The following GREB1 variants were observed in gnomAD, a reference collection of about 807,000 sequenced individuals.
GREB1 encodes protein GREB1.
Under a neutral mutation model 200.7 loss-of-function variants are expected in GREB1, and 106 were observed. The ratio of observed to expected loss-of-function variants is 0.53; its 90% CI spans 0.45 to 0.62. GREB1 has a LOEUF of 0.62. Ranked by LOEUF, GREB1 falls within the 20% of genes least tolerant of loss-of-function variation. The probability of loss-of-function intolerance (pLI) is 0.00; values close to 1 mark genes in which losing one functional copy is unlikely to be tolerated. For synonymous variants in GREB1, 1,132 were observed against 1,092.4 expected (o/e 1.04, Z -0.72); for missense variants, 2,243 against 2,556.8 (o/e 0.88, Z 2.65).
At chr2:11,499,923 TATAGAATTGTTG>T (rs1672983499) in intron 1 of GREB1, among the ~76,000 whole-genome samples, 1 of 152,240 alleles carries the variant, frequency 6.6e-6, no homozygotes, top group Non-Finnish European at 1.5e-5. Flanking sequence ...TTCTTTATAT[TATAGAATTGTTG>T]CTTTAAAAAA....
At chr2:11,527,951 C>G (rs1240442234) in intron 1 of GREB1, among the ~76,000 whole-genome samples, 2 of 152,204 alleles carry the variant, frequency 1.3e-5, no homozygotes, top group Non-Finnish European at 2.9e-5. Context: ...AATTTCCTTT[C>G]CCTTTAACTT....
Position 11,598,866 on chromosome 2 carries a change from A to T in GREB1, c.2333+6A>T, listed in dbSNP as rs746920678. The T allele has an allele frequency of 1.9e-6, 3 of 1,610,258 alleles. No homozygotes were observed. Among genetic ancestry groups the T allele is most frequent in the Non-Finnish European group, 2.5e-6 (3 of 1,176,622 alleles). On this transcript the variant is annotated splice_donor_region_variant and intron_variant, in intron 15 of 32. Coordinates refer to ENST00000381486, the MANE Select transcript of GREB1 (RefSeq NM_014668.4). ...GCGCACTGGGATCTTGTGAGGTTAG[A>T]TTGACTTGATATATGACAAGTTGAC...
At chr2:11,552,797 G>A (rs1353751039) in intron 1 of GREB1, among the ~76,000 whole-genome samples, 8 of 151,968 alleles carry the variant, frequency 5.3e-5, no homozygotes, top group East Asian at 1.9e-4. Flanking sequence ...GGATCACGAG[G>A]TCAGGAGATC....
In GREB1 at chr2:11,615,253, C is replaced by G; in HGVS notation, c.3285C>G (p.Ser1095Arg). Residue 1095 changes from serine to arginine, a missense_variant, in exon 20 of 33, where the codon AGC becomes AGG. By Grantham distance (110) the Ser-to-Arg change is moderately radical. Transcript: ENST00000381486. ...TGGAGAGTGATGCTGAGAAGCTGAGCAGCACAGACAACGAGGATGAGGAGC... is the reference window on the plus strand; with the variant it reads ...TGGAGAGTGATGCTGAGAAGCTGAGGAGCACAGACAACGAGGATGAGGAGC... ...EALESDAEKL[S>R]STDNEDEELG... is the part of the protein sequence containing the mutation. The G allele has an allele frequency of 1.2e-6, 2 of 1,607,742 alleles. No homozygotes were observed. Among genetic ancestry groups the G allele is most frequent in the Non-Finnish European group, 1.7e-6 (2 of 1,176,722 alleles).
At chr2:11,622,091 GT>G (rs151335051) in intron 23 of GREB1, among the ~76,000 whole-genome samples, 7,450 of 152,024 alleles carry the variant, frequency 0.049, 610 homozygotes, top group African/African-American at 0.17. Flanking sequence ...CACCAAGACT[GT>G]TTTTTTTAGA....
intron 25 of GREB1, among the ~76,000 whole-genome samples, chr2:11,628,021 G>A (rs1022132497): frequency 3.9e-5 from 6 of 152,154 alleles, no homozygotes; most frequent in Admixed American, 1.3e-4. Flanking sequence ...CTGGAACCCA[G>A]ACTTTGGGGT....
intron 17 of GREB1, among the ~76,000 whole-genome samples, chr2:11,609,129 G>A (rs1209052812): frequency 6.6e-6 from 1 of 152,104 alleles, no homozygotes; most frequent in Non-Finnish European, 1.5e-5. Context: ...GTTTCAGATG[G>A]GAGGATAAAC....
rs58632829 is a variant in GREB1, at chr2:11,566,352, T to C, written c.278-128T>C. The C allele has an allele frequency of 0.038, 31,039 of 808,264 alleles. 6,038 individuals are homozygous for C. The African/African-American group carries it at 0.45, about 12-fold the overall frequency. The allele number at this position is 808,264 out of a possible 1,614,324, so 50.1% of individuals were successfully genotyped here. A position where few individuals can be genotyped will look rare whatever the true frequency, so the allele number is the denominator to read the frequency against. ...ATAGTTCTATCTCTCAGGATTAATTTTGAGGTCAAGCACACCCAGGGGTAA... is the reference window on the plus strand; with the variant it reads ...ATAGTTCTATCTCTCAGGATTAATTCTGAGGTCAAGCACACCCAGGGGTAA... On this transcript the variant is annotated intron_variant, in intron 3 of 32. Coordinates refer to ENST00000381486, the MANE Select transcript of GREB1 (RefSeq NM_014668.4).
rs1683684016 is a variant in GREB1 at position 11,618,349 on chromosome 2, C to T, written c.3474C>T (p.Ala1158=). 1.2e-6 allele frequency: 2 copies of T among 1,607,560 alleles called. No individual in the cohort carries two copies. The highest frequency in any genetic ancestry group is 1.7e-6 in the Non-Finnish European group (2 of 1,176,514). ...CAGCACTCCCCCAGGGAGAGCATGCCAGGTCGCCCCAGCCCCGTGGCCCCG... is the reference window on the plus strand; with the variant it reads ...CAGCACTCCCCCAGGGAGAGCATGCTAGGTCGCCCCAGCCCCGTGGCCCCG... ...QPTALPQGEH[A]RSPQPRGPAE... is the part of the protein sequence containing the mutation. The change falls in exon 22 of 33, where the codon GCC becomes GCT. Residue 1158 remains alanine, a synonymous_variant. Coordinates refer to ENST00000381486, the MANE Select transcript of GREB1 (RefSeq NM_014668.4).
chr2:11,528,752 G>A (rs1431059235), intron 1 of GREB1, among the ~76,000 whole-genome samples: 2 of 152,136 alleles, frequency 1.3e-5, no homozygotes, highest in Admixed American at 6.5e-5. Flanking sequence ...ATGTATGTTT[G>A]TGAAATTTTT....
At chr2:11,552,867 G>A (rs1218041776) in intron 1 of GREB1, among the ~76,000 whole-genome samples, 1 of 151,920 alleles carries the variant, frequency 6.6e-6, no homozygotes, top group East Asian at 1.9e-4. Flanking sequence ...AAAATTAGCC[G>A]GGCATGGTGG....
rs1448818615 is a variant in GREB1 at position 11,633,175 on chromosome 2, T to C, written c.4991+112T>C. 2 of 1,022,044 alleles carry C rather than the reference T, an allele frequency of 2.0e-6. No homozygotes were observed. The highest frequency in any genetic ancestry group is 3.0e-6 in the Non-Finnish European group (2 of 672,124). 63.3% of individuals were successfully genotyped at this position (1,022,044 alleles called of 1,614,324 possible). A position where few individuals can be genotyped will look rare whatever the true frequency, so the allele number is the denominator to read the frequency against. On this transcript the variant is annotated intron_variant, in intron 28 of 32. Coordinates refer to ENST00000381486, the MANE Select transcript of GREB1 (RefSeq NM_014668.4). This position sits in a 1 kb window ranked among gnomAD's most constrained non-coding sequence, Gnocchi z 4.1. The stretch of plus-strand genomic sequence containing the variant: ...CCCTGGAAGACCGGAGGGCCTCTCA[T>C]AGTAGAAGGGGTGGTTGTGGTTGTG...
At chr2:11,635,704 T>A (rs1685258400) in intron 30 of GREB1, among the ~76,000 whole-genome samples, 1 of 152,194 alleles carries the variant, frequency 6.6e-6, no homozygotes, top group Admixed American at 6.5e-5. Flanking sequence ...CAGGCCACGC[T>A]CTTCCTTGGG....
At chr2:11,556,098 C>G (rs375228630) in intron 1 of GREB1, among the ~76,000 whole-genome samples, 1 of 152,234 alleles carries the variant, frequency 6.6e-6, no homozygotes. Context: ...GAATAATCAG[C>G]CTTTTACCAG....
intron 1 of GREB1, among the ~76,000 whole-genome samples, chr2:11,519,273 A>G (rs1476203479): frequency 6.6e-6 from 1 of 152,014 alleles, no homozygotes; most frequent in Non-Finnish European, 1.5e-5. Context: ...AATAAGGGCT[A>G]TCTGGATGTT....
At chr2:11,490,260 A>G (rs542320676) in intron 1 of GREB1, among the ~76,000 whole-genome samples, 31 of 152,218 alleles carry the variant, frequency 2.0e-4, no homozygotes, top group African/African-American at 5.8e-4. Flanking sequence ...TTTTGCCTCT[A>G]TGGCAGATTT....
chr2:11,537,263 G>A (rs549727963), intron 1 of GREB1, among the ~76,000 whole-genome samples: 11 of 152,100 alleles, frequency 7.2e-5, no homozygotes, highest in Non-Finnish European at 1.6e-4. Context: ...CGCGCCGGCC[G>A]ACATTTTCTT....
chr2:11,585,395 TGAGG>T (rs1461885848), intron 8 of GREB1, 121 bp downstream of exon 8: 1 of 643,020 alleles, frequency 1.6e-6, no homozygotes, highest in Non-Finnish European at 2.7e-6. Flanking sequence ...TGTGTACTGA[TGAGG>T]GAGTTCTAAG....
intron 1 of GREB1, among the ~76,000 whole-genome samples, chr2:11,553,691 T>C (rs6432211): frequency 0.25 from 38,085 of 151,788 alleles, 8,278 homozygotes; most frequent in African/African-American, 0.59. Flanking sequence ...AAGTAGGGAG[T>C]GTGCCCAGTG....
Sources: allele counts gnomAD v4.1 joint callset (sites outside exome capture counted in the v4.1 genomes callset), GRCh38; gene constraint gnomAD v4.1.1; non-coding constraint Gnocchi (gnomAD v3.1); transcripts MANE v1.5; gene names NCBI Gene and HGNC (gene_info 2026-07-23, HGNC 2026-07-21).